The following KHDRBS2 variants were observed in gnomAD, a reference collection of about 807,000 sequenced individuals.
KHDRBS2 encodes the protein KH RNA binding domain containing, signal transduction associated 2.
In KHDRBS2, 26 loss-of-function variants were observed where a neutral mutation model predicts 44.3. The observed-to-expected ratio is 0.59, with a 90% CI of 0.43 to 0.81. KHDRBS2 has a LOEUF of 0.81. Among genes scored for constraint, KHDRBS2 ranks in the 40% least tolerant of loss-of-function variants. KHDRBS2 has a pLI of 0.00. For missense variants in KHDRBS2, 476 were observed against 433.1 expected (o/e 1.10, Z -0.88); for synonymous variants, 194 against 151.1 (o/e 1.28, Z -2.08).
intron 1 of KHDRBS2, among the ~76,000 whole-genome samples, chr6:62,211,201 G>A (rs1405054334): frequency 6.6e-6 from 1 of 151,918 alleles, no homozygotes; most frequent in Non-Finnish European, 1.5e-5. Flanking sequence ...CATCACCTGG[G>A]ATCATTAAAT....
At chr6:62,248,290 T>TA (rs71551509) in intron 1 of KHDRBS2, among the ~76,000 whole-genome samples, 399 of 145,844 alleles carry the variant, frequency 2.7e-3, no homozygotes, top group East Asian at 7.1e-3. Context: ...TGTGGTATTT[T>TA]AAAAAAAAAA....
At chr6:61,888,721 C>T (rs1401022266) in intron 6 of KHDRBS2, among the ~76,000 whole-genome samples, 1 of 151,892 alleles carries the variant, frequency 6.6e-6, no homozygotes, top group African/African-American at 2.4e-5. Context: ...GCCACCATGC[C>T]CAGCTAACTT....
chr6:61,857,936 T>C (rs1356616341), intron 6 of KHDRBS2, among the ~76,000 whole-genome samples: 1 of 152,006 alleles, frequency 6.6e-6, no homozygotes, highest in Non-Finnish European at 1.5e-5. Context: ...AAAATTTATA[T>C]TATAATACGT....
intron 6 of KHDRBS2, among the ~76,000 whole-genome samples, chr6:61,764,462 A>T (rs1779709233): frequency 6.6e-6 from 1 of 152,100 alleles, no homozygotes; most frequent in Non-Finnish European, 1.5e-5. Flanking sequence ...TGACAGTTTT[A>T]CTATTACTTT....
At chr6:61,655,042 C>T in the KHDRBS2 span, among the ~76,000 whole-genome samples, 6 of 151,798 alleles carry the variant, frequency 4.0e-5, no homozygotes, top group Non-Finnish European at 5.9e-5. Flanking sequence ...GGGGTCAGAT[C>T]TCCCTCCCGC....
chr6:61,877,852 T>A (rs1799658489), intron 6 of KHDRBS2, among the ~76,000 whole-genome samples: 1 of 151,992 alleles, frequency 6.6e-6, no homozygotes, highest in Admixed American at 6.6e-5. Flanking sequence ...CTTTTCTAAA[T>A]CTTTTTTAAA....
At chr6:62,130,820 A>G (rs759811586) in intron 2 of KHDRBS2, among the ~76,000 whole-genome samples, 1 of 152,042 alleles carries the variant, frequency 6.6e-6, no homozygotes, top group Non-Finnish European at 1.5e-5. Flanking sequence ...TAATAGTGTC[A>G]AATATCTCAT....
chr6:61,984,893 T>G (rs1774734967), intron 3 of KHDRBS2, among the ~76,000 whole-genome samples: 1 of 152,250 alleles, frequency 6.6e-6, no homozygotes, highest in Non-Finnish European at 1.5e-5. Context: ...AATTAAAGTA[T>G]GTACCACATT....
At chr6:61,891,542 G>A (rs1056288347) in intron 6 of KHDRBS2, among the ~76,000 whole-genome samples, 4 of 151,936 alleles carry the variant, frequency 2.6e-5, no homozygotes, top group African/African-American at 7.3e-5. Flanking sequence ...GGTAAAATTC[G>A]GCTGTGAATC....
At chr6:62,118,199 G>C (rs1451335692) in intron 2 of KHDRBS2, among the ~76,000 whole-genome samples, 1 of 152,188 alleles carries the variant, frequency 6.6e-6, no homozygotes, top group African/African-American at 2.4e-5. Context: ...AAAATGACTT[G>C]ACAATCAATT....
chr6:61,998,746 TA>T (rs1336643328), intron 3 of KHDRBS2, among the ~76,000 whole-genome samples: 6 of 152,018 alleles, frequency 3.9e-5, no homozygotes, highest in African/African-American at 4.8e-5. Context: ...TAAAAGGAAA[TA>T]AAAACTTTGA....
At chr6:61,674,293 G>T in the KHDRBS2 span, among the ~76,000 whole-genome samples, 1 of 151,670 alleles carries the variant, frequency 6.6e-6, no homozygotes, top group Non-Finnish European at 1.5e-5. Context: ...TCATATTGCT[G>T]CAGAACAGAA....
chr6:61,751,786 C>T (rs925911357), intron 6 of KHDRBS2, among the ~76,000 whole-genome samples: 1 of 152,148 alleles, frequency 6.6e-6, no homozygotes, highest in African/African-American at 2.4e-5. Flanking sequence ...AACATTCATT[C>T]ATTTTCTCAC....
At position 62,098,243 on chromosome 6, in the gene KHDRBS2, CGT is replaced by C. The variant is rs1491318459; in HGVS notation, c.220-50251_220-50250del. On this transcript the variant is annotated intron_variant, in intron 2 of 8. Transcript: ENST00000281156. ...TACCAGTGAGTTTTATAGCTTCAAA[CGT>C]TTTTTTTTTTTTTTTTGTTACAAGT... Among the ~76,000 whole-genome samples, 111 of 110,752 alleles carry C rather than the reference CGT, an allele frequency of 1.0e-3. 2 individuals are homozygous for C. The highest frequency in any genetic ancestry group is 6.0e-4 in the African/African-American group (18 of 29,806). The allele number at this position is 110,752 out of a possible 152,430, so 72.7% of individuals were successfully genotyped here.
chr6:61,979,450 C>T (rs1408715856), intron 3 of KHDRBS2, among the ~76,000 whole-genome samples: 3 of 151,998 alleles, frequency 2.0e-5, no homozygotes, highest in Non-Finnish European at 4.4e-5. Flanking sequence ...AACAAATTTG[C>T]TGTTGATGTC....
At chr6:61,747,131 A>T (rs1242484676) in intron 6 of KHDRBS2, among the ~76,000 whole-genome samples, 1 of 152,170 alleles carries the variant, frequency 6.6e-6, no homozygotes, top group Non-Finnish European at 1.5e-5. Context: ...CATATGAAAA[A>T]AAAAGCTCAT....
the KHDRBS2 span, among the ~76,000 whole-genome samples, chr6:61,672,515 C>T: frequency 7.9e-5 from 12 of 152,046 alleles, no homozygotes; most frequent in East Asian, 2.1e-3. Flanking sequence ...CTGTAGTTTC[C>T]TGACTTTTCA....
intron 3 of KHDRBS2, among the ~76,000 whole-genome samples, chr6:61,990,148 A>C (rs1253761456): frequency 6.6e-6 from 1 of 152,174 alleles, no homozygotes; most frequent in Non-Finnish European, 1.5e-5. Flanking sequence ...CACATAAGTA[A>C]ATTTTGCCAC....
At chr6:61,605,114 G>A in the KHDRBS2 span, among the ~76,000 whole-genome samples, 120 of 152,206 alleles carry the variant, frequency 7.9e-4, 1 homozygote, top group Middle Eastern at 3.4e-3. Flanking sequence ...GCCCTTCTGC[G>A]AATTCGGGCC....
Sources: allele counts gnomAD v4.1 joint callset (sites outside exome capture counted in the v4.1 genomes callset), GRCh38; gene constraint gnomAD v4.1.1; transcripts MANE v1.5; gene names NCBI Gene and HGNC (gene_info 2026-07-23, HGNC 2026-07-21).